The following ADAMTSL1 variants were observed in gnomAD, a reference collection of about 807,000 sequenced individuals.
The protein encoded by ADAMTSL1 is ADAMTS-like protein 1.
In ADAMTSL1, 126 loss-of-function variants were observed where a neutral mutation model predicts 201.8. That is an observed-to-expected ratio of 0.62 (90% CI 0.54 to 0.72). The LOEUF is 0.72. ADAMTSL1 is among the 30% of genes least tolerant of loss of function. ADAMTSL1 has a pLI of 0.00. For synonymous variants in ADAMTSL1, 1,121 were observed against 903.4 expected (o/e 1.24, Z -4.32); for missense variants, 2,679 against 2,277.8 (o/e 1.18, Z -3.59).
chr9:18,641,535 T>C (rs1307712312), intron 7 of ADAMTSL1, among the ~76,000 whole-genome samples: 3 of 152,052 alleles, frequency 2.0e-5, no homozygotes, highest in Admixed American at 2.0e-4. Flanking sequence ...ACGCTTTTAA[T>C]ATTTTGTGTT....
chr9:18,709,951 A>G (rs1175743044), intron 14 of ADAMTSL1, among the ~76,000 whole-genome samples: 2 of 152,186 alleles, frequency 1.3e-5, no homozygotes, highest in Non-Finnish European at 2.9e-5. Flanking sequence ...AGAATCATCA[A>G]GTACTGTGCT....
chr9:18,533,526 A>G (rs1032442516), intron 3 of ADAMTSL1, among the ~76,000 whole-genome samples: 5 of 152,174 alleles, frequency 3.3e-5, no homozygotes, highest in Non-Finnish European at 7.4e-5. Context: ...CAAGGACTCT[A>G]CATTTCCTCC....
chr9:18,688,659 CAAAAAAAAAAA>C (rs61505157), intron 13 of ADAMTSL1, among the ~76,000 whole-genome samples: 2 of 6,678 alleles, frequency 3.0e-4, no homozygotes, highest in African/African-American at 3.8e-4. Context: ...CAGAGCATTT[CAAAAAAAAAAA>C]AAAAAAAAAA....
intron 2 of ADAMTSL1, among the ~76,000 whole-genome samples, chr9:18,516,628 C>T (rs981403543): frequency 2.0e-5 from 3 of 152,182 alleles, no homozygotes; most frequent in Non-Finnish European, 2.9e-5. Context: ...AATATTGGCA[C>T]CACTGTTCTC....
intron 9 of ADAMTSL1, among the ~76,000 whole-genome samples, chr9:18,670,757 C>G (rs1160075091): frequency 1.3e-5 from 2 of 152,080 alleles, no homozygotes; most frequent in African/African-American, 4.8e-5. Flanking sequence ...AGTAAAGAAC[C>G]AATATAGCTT....
chr9:18,099,776 G>A (rs774651255), intron 1 of ADAMTSL1, among the ~76,000 whole-genome samples: 3 of 150,688 alleles, frequency 2.0e-5, no homozygotes, highest in Non-Finnish European at 4.4e-5. Flanking sequence ...ACAGGCTCCC[G>A]CCAACATGCC....
chr9:18,447,602 T>C (rs564888141), intron 2 of ADAMTSL1, among the ~76,000 whole-genome samples: 16 of 152,336 alleles, frequency 1.1e-4, no homozygotes, highest in African/African-American at 3.6e-4. Flanking sequence ...AGGCACCTGA[T>C]GCAAAACAAA....
Position 18,283,744 on chromosome 9 carries a change from C to G in ADAMTSL1, c.207+119763C>G, listed in dbSNP as rs190279344. Among the ~76,000 whole-genome samples the G allele has an allele frequency of 1.3e-3, 191 of 149,326 alleles. 1 individual carries two copies. The highest frequency in any genetic ancestry group is 4.4e-3 in the African/African-American group (180 of 40,590). Reference sequence around the variant, plus strand: ...TGCCTAACACAGTGAAACCACATCTCTACTAAAAATACAAAAAATTAGCCA... The same window carrying G: ...TGCCTAACACAGTGAAACCACATCTGTACTAAAAATACAAAAAATTAGCCA... On this transcript the variant is annotated intron_variant, in intron 2 of 29. Coordinates refer to the ADAMTSL1 transcript ENST00000680146.
chr9:18,601,464 C>A (rs539831930), intron 4 of ADAMTSL1, among the ~76,000 whole-genome samples: 1 of 152,246 alleles, frequency 6.6e-6, no homozygotes, highest in East Asian at 1.9e-4. Context: ...TGTCTCCAGC[C>A]AATTTTCAAA....
At chr9:18,656,704 C>T (rs191403041) in intron 7 of ADAMTSL1, among the ~76,000 whole-genome samples, 5 of 150,764 alleles carry the variant, frequency 3.3e-5, no homozygotes, top group African/African-American at 1.2e-4. Context: ...TTCAGTTGGA[C>T]TCTGATACTT....
intron 1 of ADAMTSL1, among the ~76,000 whole-genome samples, chr9:17,978,262 G>C (rs533771991): frequency 1.3e-5 from 2 of 151,920 alleles, no homozygotes; most frequent in Admixed American, 1.3e-4. Context: ...ATGTCTTTTG[G>C]TTGGAAAATT....
intron 3 of ADAMTSL1, among the ~76,000 whole-genome samples, chr9:18,565,201 A>G (rs1217773662): frequency 6.6e-6 from 1 of 152,214 alleles, no homozygotes; most frequent in African/African-American, 2.4e-5. Flanking sequence ...AGACATTGGA[A>G]CAGTTTAAAG....
At chr9:18,015,984 T>G (rs531435771) in intron 1 of ADAMTSL1, among the ~76,000 whole-genome samples, 62 of 152,096 alleles carry the variant, frequency 4.1e-4, no homozygotes, top group Non-Finnish European at 8.1e-4. Flanking sequence ...AGTGATTGGC[T>G]TCTTTTAGTT....
chr9:18,267,242 C>A (rs1250306388), intron 2 of ADAMTSL1, among the ~76,000 whole-genome samples: 1 of 152,056 alleles, frequency 6.6e-6, no homozygotes, highest in African/African-American at 2.4e-5. Context: ...TTTTCAGAGG[C>A]AATATAGTCA....
At chr9:18,171,214 T>C (rs149300241) in intron 2 of ADAMTSL1, among the ~76,000 whole-genome samples, 9 of 152,006 alleles carry the variant, frequency 5.9e-5, no homozygotes, top group East Asian at 1.9e-4. Context: ...TAGACACATA[T>C]AAAAAAGAAC....
At chr9:17,907,500 T>A (rs1295373321) in intron 1 of ADAMTSL1, among the ~76,000 whole-genome samples, 3 of 152,120 alleles carry the variant, frequency 2.0e-5, no homozygotes, top group African/African-American at 7.2e-5. Flanking sequence ...GGTCTAGAGG[T>A]GGCTCTGGTG....
chr9:18,366,852 C>A (rs770949373), intron 2 of ADAMTSL1, among the ~76,000 whole-genome samples: 3 of 152,046 alleles, frequency 2.0e-5, no homozygotes, highest in Non-Finnish European at 4.4e-5. Context: ...AGGTAATCCA[C>A]CTGCCTTGGC....
At chr9:17,961,826 A>G (rs1167300296) in intron 1 of ADAMTSL1, among the ~76,000 whole-genome samples, 1 of 152,150 alleles carries the variant, frequency 6.6e-6, no homozygotes, top group Non-Finnish European at 1.5e-5. Context: ...AGGGGAGAGC[A>G]GCATGGTGTG....
intron 16 of ADAMTSL1, among the ~76,000 whole-genome samples, chr9:18,769,403 A>T (rs965314093): frequency 6.6e-6 from 1 of 152,208 alleles, no homozygotes; most frequent in South Asian, 2.1e-4. Context: ...AAAATTTTAC[A>T]ATAAAATATC....
Sources: allele counts gnomAD v4.1 joint callset (sites outside exome capture counted in the v4.1 genomes callset), GRCh38; gene constraint gnomAD v4.1.1; transcripts MANE v1.5; gene names NCBI Gene and HGNC (gene_info 2026-07-23, HGNC 2026-07-21).